The following PLCB1 variants were observed in gnomAD, a reference collection of about 807,000 sequenced individuals.
PLCB1 encodes the protein phospholipase C beta 1.
PLCB1 carries 46 observed loss-of-function variants against 161.8 expected under a neutral mutation model. The ratio of observed to expected loss-of-function variants is 0.28; its 90% confidence interval spans 0.22 to 0.36. The LOEUF is 0.36. Ranked by LOEUF, PLCB1 falls within the 10% of genes least tolerant of loss-of-function variation. The pLI, the probability that PLCB1 is intolerant of heterozygous loss-of-function variation, is 1.00. For missense variants in PLCB1, 1,016 were observed against 1,472.5 expected (o/e 0.69, Z 5.07); for synonymous variants, 517 against 503.7 (o/e 1.03, Z -0.35).
chr20:8,634,657 A>G (rs1988705144), intron 4 of PLCB1, among the ~76,000 whole-genome samples: 1 of 152,214 alleles, frequency 6.6e-6, no homozygotes, highest in Admixed American at 6.5e-5. Flanking sequence ...TTAAAACAAC[A>G]AACTCATTCC....
At chr20:8,524,184 T>G (rs557776287) in intron 3 of PLCB1, among the ~76,000 whole-genome samples, 1 of 152,238 alleles carries the variant, frequency 6.6e-6, no homozygotes, top group Admixed American at 6.5e-5. Flanking sequence ...TAGTCAAAAC[T>G]ATAATATTCT....
At chr20:8,669,627 G>A (rs2123357337) in intron 9 of PLCB1, among the ~76,000 whole-genome samples, 1 of 152,182 alleles carries the variant, frequency 6.6e-6, no homozygotes, top group South Asian at 2.1e-4. Flanking sequence ...CACCTATCTG[G>A]GCTCTCAATG....
chr20:8,823,898 G>A (rs1460301952), intron 31 of PLCB1, among the ~76,000 whole-genome samples: 5 of 151,678 alleles, frequency 3.3e-5, no homozygotes, highest in African/African-American at 9.7e-5. Flanking sequence ...CATTACAATT[G>A]TCTGCCAGTG....
At chr20:8,616,249 A>T (rs182570349) in intron 3 of PLCB1, among the ~76,000 whole-genome samples, 93 of 152,086 alleles carry the variant, frequency 6.1e-4, no homozygotes, top group Non-Finnish European at 9.6e-4. Context: ...CTGGCTCCTT[A>T]CCTATACAGC....
chr20:8,780,462 G>T (rs1279784497), intron 27 of PLCB1, among the ~76,000 whole-genome samples: 1 of 152,040 alleles, frequency 6.6e-6, no homozygotes, highest in Admixed American at 6.6e-5. Flanking sequence ...GCTTCACTTT[G>T]CTTTGCTTCC....
chr20:8,643,321 T>C (rs1989013802), intron 4 of PLCB1, among the ~76,000 whole-genome samples: 1 of 152,206 alleles, frequency 6.6e-6, no homozygotes, highest in African/African-American at 2.4e-5. Context: ...ATGCTCTTTA[T>C]CCTCTGACCA....
chr20:8,878,719 T>C (rs1987866445), intron 31 of PLCB1, among the ~76,000 whole-genome samples: 1 of 152,108 alleles, frequency 6.6e-6, no homozygotes, highest in Admixed American at 6.6e-5. Flanking sequence ...TTTTATTTTT[T>C]CATTTTCTAT....
chr20:8,300,616 G>A (rs528290583), intron 2 of PLCB1, among the ~76,000 whole-genome samples: 1 of 152,148 alleles, frequency 6.6e-6, no homozygotes, highest in Admixed American at 6.5e-5. Context: ...ACGTATACAT[G>A]TGCCATGTTG....
intron 3 of PLCB1, among the ~76,000 whole-genome samples, chr20:8,464,774 G>A (rs1483155913): frequency 6.6e-6 from 1 of 152,112 alleles, no homozygotes; most frequent in East Asian, 1.9e-4. Flanking sequence ...CACTGACCCT[G>A]TGAGGCAGCT....
chr20:8,829,260 T>G (rs1225222308), intron 31 of PLCB1, among the ~76,000 whole-genome samples: 2 of 152,168 alleles, frequency 1.3e-5, no homozygotes, highest in Non-Finnish European at 2.9e-5. Context: ...GAAAAGTCCG[T>G]GACCCCAAAA....
intron 3 of PLCB1, among the ~76,000 whole-genome samples, chr20:8,392,894 A>G (rs1312127075): frequency 6.6e-6 from 1 of 152,182 alleles, no homozygotes; most frequent in Non-Finnish European, 1.5e-5. Flanking sequence ...ATTCCTATCT[A>G]TGGCATTTAT....
chr20:8,258,095 T>C (rs1385124144), intron 2 of PLCB1, among the ~76,000 whole-genome samples: 1 of 152,192 alleles, frequency 6.6e-6, no homozygotes, highest in East Asian at 1.9e-4. Flanking sequence ...TTTTTCTAAA[T>C]ACAGAAATTT....
chr20:8,520,997 C>A (rs988121677), intron 3 of PLCB1, among the ~76,000 whole-genome samples: 3 of 152,024 alleles, frequency 2.0e-5, no homozygotes, highest in Non-Finnish European at 4.4e-5. Context: ...TATCCTAAGA[C>A]AAATTAAATA....
chr20:8,180,787 T>C (rs2051832866), intron 2 of PLCB1, among the ~76,000 whole-genome samples: 1 of 152,190 alleles, frequency 6.6e-6, no homozygotes, highest in South Asian at 2.1e-4. Flanking sequence ...TCTGGTGATA[T>C]GGGATTGCCT....
At chr20:8,616,774 T>C (rs558964810) in intron 3 of PLCB1, among the ~76,000 whole-genome samples, 2 of 152,286 alleles carry the variant, frequency 1.3e-5, no homozygotes, top group Non-Finnish European at 2.9e-5. Context: ...GATTCCCCCA[T>C]GAGGAGAAAG....
chr20:8,778,440 T>C (rs1216976655), intron 27 of PLCB1, among the ~76,000 whole-genome samples: 1 of 151,856 alleles, frequency 6.6e-6, no homozygotes, highest in Non-Finnish European at 1.5e-5. Flanking sequence ...AGAAGGTTGG[T>C]TGGGAATTGG....
At chr20:8,753,390 A>G (rs1981582400) in intron 23 of PLCB1, among the ~76,000 whole-genome samples, 1 of 152,132 alleles carries the variant, frequency 6.6e-6, no homozygotes, top group African/African-American at 2.4e-5. Context: ...GCTGGGGACC[A>G]CTGACTTAAC....
At chr20:8,633,597 G>T (rs1422017497) in intron 4 of PLCB1, among the ~76,000 whole-genome samples, 1 of 152,120 alleles carries the variant, frequency 6.6e-6, no homozygotes, top group Non-Finnish European at 1.5e-5. Context: ...AAAAACAGAA[G>T]CTGAGAGGAG....
chr20:8,768,388 C>T (rs1319274296), intron 26 of PLCB1, among the ~76,000 whole-genome samples: 2 of 152,100 alleles, frequency 1.3e-5, no homozygotes, highest in African/African-American at 4.8e-5. Context: ...GTCCAAATTT[C>T]CCTCTTCTAA....
Sources: allele counts gnomAD v4.1 joint callset (sites outside exome capture counted in the v4.1 genomes callset), GRCh38; gene constraint gnomAD v4.1.1; transcripts MANE v1.5; gene names NCBI Gene and HGNC (gene_info 2026-07-23, HGNC 2026-07-21).